ADAMTSL3: variants seen among roughly 807,000 people sequenced by gnomAD.
ADAMTSL3 encodes ADAMTS-like protein 3.
ADAMTSL3 carries 128 observed loss-of-function variants against 201.7 expected under a neutral mutation model. That is an observed-to-expected ratio of 0.63 (90% CI 0.55 to 0.73). The LOEUF (loss-of-function observed/expected upper bound fraction) is 0.73. Among genes scored for constraint, ADAMTSL3 ranks in the 30% least tolerant of loss-of-function variants. ADAMTSL3 has a pLI of 0.00. For synonymous variants in ADAMTSL3, 738 were observed against 748.4 expected, an observed-to-expected ratio of 0.99 and a Z score of 0.23; for missense variants, 1,990 against 2,119.6, an observed-to-expected ratio of 0.94 and a Z score of 1.20.
rs558717251 is a variant in ADAMTSL3, at chr15:83,968,853, G to A, written c.2491-1631G>A. Among the ~76,000 whole-genome samples, 77 of 152,240 alleles carry A rather than the reference G, an allele frequency of 5.1e-4. 1 individual carries two copies. The highest frequency in any genetic ancestry group is 1.6e-3 in the African/African-American group (67 of 41,544). ...AAAGGATGAGTTCATGTCCTTTGTC[G>A]GGACATGGATGGAACTGGAGACCAT... is the stretch of plus-strand genomic sequence containing the variant. On this transcript the variant is annotated intron_variant, in intron 19 of 29. Coordinates refer to ENST00000286744, the MANE Select transcript of ADAMTSL3 (RefSeq NM_207517.3).
rs200422934 is a variant in ADAMTSL3, at chr15:83,829,147, A to T, written c.601-8942A>T. Among the ~76,000 whole-genome samples, 140 of 152,210 alleles carry T rather than the reference A, an allele frequency of 9.2e-4. 4 individuals carry two copies. The East Asian group carries it at 0.024, about 26-fold the overall frequency. On this transcript the variant is annotated intron_variant, in intron 6 of 29. Coordinates refer to ENST00000286744, the MANE Select transcript of ADAMTSL3 (RefSeq NM_207517.3). ...TCTGGAAGAATTCGGCTGTGAATCC[A>T]TCTGGTCCTGGACTTTTTTTGGTTG... is the stretch of plus-strand genomic sequence containing the variant.
intron 16 of ADAMTSL3, among the ~76,000 whole-genome samples, chr15:83,918,034 A>G (rs1743075066): frequency 1.3e-5 from 2 of 152,204 alleles, no homozygotes; most frequent in African/African-American, 4.8e-5. Flanking sequence ...TGAACACCTT[A>G]ATACTTCTAA....
rs773948569 is a variant in ADAMTSL3, at chr15:83,892,878, A to G, written c.1457A>G (p.Glu486Gly). Residue 486 changes from glutamate to glycine, a missense_variant, in exon 13 of 30, where the codon GAG becomes GGG. Glu to Gly is a moderately conservative substitution (Grantham distance 98). Coordinates refer to ENST00000286744, the MANE Select transcript of ADAMTSL3 (RefSeq NM_207517.3). Reference sequence around the variant, plus strand: ...GATTGCCCCAAGTGGATTGCCATGGAGTGGTCTCAGGTAAGATTTGAGAAT... The same window carrying G: ...GATTGCCCCAAGTGGATTGCCATGGGGTGGTCTCAGGTAAGATTTGAGAAT... ...LFDCPKWIAMEWSQCTVTCGR... is the reference protein window; with the variant it reads ...LFDCPKWIAMGWSQCTVTCGR... 5.0e-6 allele frequency: 8 copies of G among 1,614,014 alleles called. No individual in the cohort carries two copies. The highest frequency in any genetic ancestry group is 6.8e-6 in the Non-Finnish European group (8 of 1,179,966).
At chr15:83,779,983 G>C (rs1188072272) in intron 4 of ADAMTSL3, among the ~76,000 whole-genome samples, 1 of 152,148 alleles carries the variant, frequency 6.6e-6, no homozygotes, top group African/African-American at 2.4e-5. Context: ...AAGTTAGAAA[G>C]ATCTCAATTT....
intron 3 of ADAMTSL3, among the ~76,000 whole-genome samples, chr15:83,712,516 T>C (rs899772423): frequency 6.6e-6 from 1 of 152,316 alleles, no homozygotes; most frequent in East Asian, 1.9e-4. Flanking sequence ...CTCCTCTTTT[T>C]TGGAGGCTCA....
chr15:83,982,166 G>C, intron 20 of ADAMTSL3, 107 bp from the exon 21 acceptor site: 2 of 825,844 alleles, frequency 2.4e-6, no homozygotes, highest in Non-Finnish European at 3.7e-6. Context: ...TAGTAAAAAA[G>C]ATACGTTTGT....
At chr15:83,831,593 A>G (rs1421970169) in intron 6 of ADAMTSL3, among the ~76,000 whole-genome samples, 6 of 152,176 alleles carry the variant, frequency 3.9e-5, no homozygotes, top group African/African-American at 7.2e-5. Context: ...CAGTGGTGCT[A>G]TCATGGCTCA....
chr15:83,890,299 T>C, intron 11 of ADAMTSL3, 52 bp downstream of exon 11: 4 of 1,598,728 alleles, frequency 2.5e-6, no homozygotes, highest in Non-Finnish European at 3.4e-6. Flanking sequence ...CAAATCAGCT[T>C]CAACTGAGAC....
rs771120469 is a variant in ADAMTSL3, at chr15:83,924,026, C to T, written c.2110C>T (p.Pro704Ser). The change falls in exon 17 of 30, where the codon CCC (proline) becomes TCC (serine). Residue 704 changes from proline to serine, a missense_variant. Coordinates refer to ENST00000286744, the MANE Select transcript of ADAMTSL3 (RefSeq NM_207517.3). ...MSQACNTEPC[P>S]PRWHVGSWGP... is the part of the protein sequence containing the mutation. ...CCAGGCCTGTAACACAGAGCCCTGTCCCCCCAGGTATGTGCTGTCTTGTGT... is the reference window on the plus strand; with the variant it reads ...CCAGGCCTGTAACACAGAGCCCTGTTCCCCCAGGTATGTGCTGTCTTGTGT... The T allele has an allele frequency of 6.2e-7, 1 of 1,613,864 alleles. No individual in the cohort carries two copies. Among genetic ancestry groups the T allele is most frequent in the African/African-American group, 1.3e-5 (1 of 74,926 alleles).
At chr15:83,967,956 G>T (rs571162755) in intron 19 of ADAMTSL3, among the ~76,000 whole-genome samples, 1 of 152,158 alleles carries the variant, frequency 6.6e-6, no homozygotes, top group African/African-American at 2.4e-5. Flanking sequence ...TTAATAAATG[G>T]TATTGGGATA....
chr15:83,838,151 C>T lies in ADAMTSL3; in HGVS notation c.663C>T (p.Ala221=), dbSNP rs998409539. The T allele has an allele frequency of 8.7e-6, 14 of 1,612,938 alleles. No homozygotes were observed. The highest frequency in any genetic ancestry group is 2.2e-5 in the South Asian group (2 of 90,812). Reference sequence around the variant, plus strand: ...AGGAGGACAACTGTGGAGTCTGTGCCGGCGATGGCTCCACCTGCAGGCTTG... The same window carrying T: ...AGGAGGACAACTGTGGAGTCTGTGCTGGCGATGGCTCCACCTGCAGGCTTG... ...NAKEDNCGVC[A]GDGSTCRLVR... is the part of the protein sequence containing the mutation. Residue 221 remains alanine (A), a synonymous_variant, in exon 7 of 30, where the codon GCC becomes GCT. Transcript: ENST00000286744.
At chr15:84,014,848 C>A in intron 24 of ADAMTSL3, 124 bp downstream of exon 24, 1 of 951,288 alleles carries the variant, frequency 1.1e-6, no homozygotes, top group Non-Finnish European at 1.6e-6. Context: ...ACCATTGCTG[C>A]CACTGCCTGC....
rs1420492954 is a variant in ADAMTSL3, at chr15:84,025,230, G to T, written c.4458-8G>T. ...TCCTTACTAAAGTCCTGTAGTTTTT[G>T]TTCCTAGGTGGTTCACAAGTGTGTG... On this transcript the variant is annotated splice_region_variant and splice_polypyrimidine_tract_variant and intron_variant, in intron 26 of 29. Coordinates refer to ENST00000286744, the MANE Select transcript of ADAMTSL3 (RefSeq NM_207517.3). 6.3e-7 allele frequency: 1 copy of T among 1,584,622 alleles called. No homozygotes were observed.
At chr15:83,836,648 C>T (rs556213975) in intron 6 of ADAMTSL3, among the ~76,000 whole-genome samples, 1 of 152,178 alleles carries the variant, frequency 6.6e-6, no homozygotes, top group South Asian at 2.1e-4. Context: ...TAACATTGGC[C>T]CTTTTTTATT....
intron 19 of ADAMTSL3, among the ~76,000 whole-genome samples, chr15:83,954,333 C>T (rs1420029971): frequency 6.6e-6 from 1 of 152,126 alleles, no homozygotes; most frequent in African/African-American, 2.4e-5. Flanking sequence ...CTGATACATT[C>T]TTCAGTATGT....
intron 7 of ADAMTSL3, among the ~76,000 whole-genome samples, chr15:83,856,468 T>TGCA (rs2064735796): frequency 6.6e-6 from 1 of 152,166 alleles, no homozygotes; most frequent in Non-Finnish European, 1.5e-5. Flanking sequence ...GGAGCCACCA[T>TGCA]GCCTGGCCCC....
intron 4 of ADAMTSL3, among the ~76,000 whole-genome samples, chr15:83,777,460 AG>A (rs1842702696): frequency 6.6e-6 from 1 of 152,188 alleles, no homozygotes; most frequent in African/African-American, 2.4e-5. Context: ...GCCCAATACA[AG>A]TACCCCAGAA....
chr15:83,847,315 A>G (rs567519059), intron 7 of ADAMTSL3, among the ~76,000 whole-genome samples: 1 of 152,270 alleles, frequency 6.6e-6, no homozygotes, highest in African/African-American at 2.4e-5. Context: ...TTTGCAAAGT[A>G]GTGTATAGAC....
At chr15:84,016,252 C>A in intron 24 of ADAMTSL3, 131 bp from the exon 25 acceptor site, 1 of 672,996 alleles carries the variant, frequency 1.5e-6, no homozygotes. Context: ...TGGTCATGAG[C>A]TTGAGTATCC....
Sources: gnomAD v4.1 joint callset for allele counts (sites outside exome capture counted in the v4.1 genomes callset) on GRCh38, gnomAD v4.1.1 for gene constraint, MANE v1.5 for transcripts, NCBI Gene and HGNC (gene_info 2026-07-23, HGNC 2026-07-21) for gene names.